Variants in SREBF1 observed in about 807,000 individuals in gnomAD.
SREBF1 encodes the protein sterol regulatory element binding transcription factor 1, also known as sterol regulatory element-binding protein 1.
A neutral mutation model predicts 100.1 loss-of-function variants in SREBF1; 45 were observed. That is an observed-to-expected ratio of 0.45 (90% CI 0.35 to 0.58). The LOEUF is 0.58. SREBF1 is among the 20% of genes least tolerant of loss of function. SREBF1 has a pLI of 0.00. For missense variants in SREBF1, 1,324 were observed against 1,539.4 expected, an observed-to-expected ratio of 0.86 and a Z score of 2.34; for synonymous variants, 657 against 681.8, an observed-to-expected ratio of 0.96 and a Z score of 0.57.
rs2034348580 is a variant in SREBF1 at position 17,824,378 on chromosome 17, G to C, written c.92-3857C>G. ...TGCCAGCACCGATGTCCCTCTGCCA[G>C]ATGGGTGAAGTCTGCCCCTCCCCCT... On this transcript the variant is annotated intron_variant, in intron 1 of 18. Coordinates refer to ENST00000261646, the MANE Select transcript of SREBF1 (RefSeq NM_004176.5). This position sits in a 1 kb window ranked among gnomAD's most constrained non-coding sequence, Gnocchi z 4.2. Among the ~76,000 whole-genome samples, 2 of 152,176 alleles carry C rather than the reference G, an allele frequency of 1.3e-5. No individual in the cohort carries two copies. Among genetic ancestry groups the C allele is most frequent in the South Asian group, 2.1e-4 (1 of 4,824 alleles).
At chr17:17,834,887 G>A (rs1039213168) in intron 1 of SREBF1, among the ~76,000 whole-genome samples, 17 of 152,160 alleles carry the variant, frequency 1.1e-4, no homozygotes, top group Non-Finnish European at 2.1e-4. Flanking sequence ...GGTGGCTGGC[G>A]CCTGTAGTCC....
chr17:17,829,191 T>TAAAAAAAAAAAAAAA (rs1253225038), intron 1 of SREBF1, among the ~76,000 whole-genome samples: 4 of 44,942 alleles, frequency 8.9e-5, no homozygotes, highest in African/African-American at 4.8e-4. Flanking sequence ...GACTCCATCT[T>TAAAAAAAAAAAAAAA]AAAAAAAAAA....
In SREBF1 at chr17:17,816,246, T is replaced by C. The variant is rs1567963103; in HGVS notation, c.2175A>G (p.Arg725=). Residue 725 remains arginine, a synonymous_variant, in exon 11 of 19, where the codon AGA becomes AGG. Coordinates refer to ENST00000261646, the MANE Select transcript of SREBF1 (RefSeq NM_004176.5). ...LAEIYVAAAL[R]VKTSLPRALH... ...AGGCCCGTGGGAGACTGGTCTTCAC[T>C]CTCAATGCAGCCGCCACATAGATCT... The C allele has an allele frequency of 9.1e-7, 1 of 1,101,642 alleles. No homozygotes were observed. The highest frequency in any genetic ancestry group is 4.2e-5 in the African/African-American group (1 of 24,040). 68.2% of individuals were successfully genotyped at this position (1,101,642 alleles called of 1,614,324 possible). A position where few individuals can be genotyped will look rare whatever the true frequency, so the allele number is the denominator to read the frequency against.
rs1205452416 is a variant in SREBF1 at position 17,824,704 on chromosome 17, C to A, written c.92-4183G>T. On this transcript the variant is annotated intron_variant, in intron 1 of 18. Coordinates refer to ENST00000261646, the MANE Select transcript of SREBF1 (RefSeq NM_004176.5). This position sits in a 1 kb window ranked among gnomAD's most constrained non-coding sequence, Gnocchi z 4.2. Reference sequence around the variant, plus strand: ...CTGCAGGCCAGCGCCTCTGCCTGGTCCACACCCCAGTTGGCTGCAACCTGA... The same window carrying A: ...CTGCAGGCCAGCGCCTCTGCCTGGTACACACCCCAGTTGGCTGCAACCTGA... Among the ~76,000 whole-genome samples, 3 of 152,228 alleles carry A rather than the reference C, an allele frequency of 2.0e-5. No individual in the cohort carries two copies. The highest frequency in any genetic ancestry group is 4.4e-5 in the Non-Finnish European group (3 of 68,040).
intron 1 of SREBF1, among the ~76,000 whole-genome samples, chr17:17,822,667 A>T (rs547779696): frequency 6.6e-6 from 1 of 152,360 alleles, no homozygotes; most frequent in South Asian, 2.1e-4. Flanking sequence ...CTGAGCTCCC[A>T]GCCCTGCCCA....
At chr17:17,823,045 T>C (rs2034211425) in intron 1 of SREBF1, among the ~76,000 whole-genome samples, 1 of 152,190 alleles carries the variant, frequency 6.6e-6, no homozygotes, top group South Asian at 2.1e-4. Flanking sequence ...GTGAGCCTCT[T>C]CGATAGATGG....
chr17:17,829,191 T>TAAAAAAAAAAAAAAAA (rs1253225038), intron 1 of SREBF1, among the ~76,000 whole-genome samples: 6 of 44,934 alleles, frequency 1.3e-4, no homozygotes, highest in African/African-American at 7.3e-4. Context: ...GACTCCATCT[T>TAAAAAAAAAAAAAAAA]AAAAAAAAAA....
Position 17,812,685 on chromosome 17 carries a change from C to A in SREBF1, c.3381G>T (p.Leu1127=), listed in dbSNP as rs1211624251. 11 of 1,607,046 alleles carry A rather than the reference C, an allele frequency of 6.8e-6. No homozygotes were observed. Among genetic ancestry groups the A allele is most frequent in the Non-Finnish European group, 8.5e-6 (10 of 1,177,354 alleles). ...TGAGCATCTGCTGACAGTCGTGCAG[C>A]AGCCGGCGATCGCCAAGCTTCTCGA... ...RTLEKLGDRR[L]LHDCQQMLMR... The change falls in exon 19 of 19, where the codon CTG becomes CTT. Residue 1127 remains leucine, a synonymous_variant. Coordinates refer to ENST00000261646, the MANE Select transcript of SREBF1 (RefSeq NM_004176.5).
rs575226847 is a variant in SREBF1 at position 17,813,930 on chromosome 17, G to A, written c.2902-161C>T. 95 of 791,764 alleles carry A rather than the reference G, an allele frequency of 1.2e-4. No homozygotes were observed. The South Asian group carries it at 1.6e-3, about 13-fold the overall frequency. 49.0% of individuals were successfully genotyped at this position (791,764 alleles called of 1,614,324 possible). Reference sequence around the variant, plus strand: ...ACAGCAATGCACCGCGGGGCCGCCCGCCTCTCTCGGCCCCCACACCCGCCA... The same window carrying A: ...ACAGCAATGCACCGCGGGGCCGCCCACCTCTCTCGGCCCCCACACCCGCCA... On this transcript the variant is annotated intron_variant, in intron 16 of 18. Coordinates refer to ENST00000261646, the MANE Select transcript of SREBF1 (RefSeq NM_004176.5).
intron 9 of SREBF1, 99 bp from the exon 10 acceptor site, chr17:17,816,817 G>A (rs1056363390): frequency 1.1e-5 from 18 of 1,576,452 alleles, no homozygotes; most frequent in African/African-American, 2.7e-5. Flanking sequence ...GGGTGGTGGG[G>A]GTCTGCGGAT....
chr17:17,836,030 AC>A (rs1308646925), intron 1 of SREBF1, among the ~76,000 whole-genome samples: 2 of 152,214 alleles, frequency 1.3e-5, no homozygotes, highest in Non-Finnish European at 2.9e-5. Context: ...CAAAGTAGCC[AC>A]ATCCCTGCCC....
At chr17:17,814,507 A>C (rs1241914144) in intron 15 of SREBF1, 97 bp from the exon 16 acceptor site, 2 of 1,536,268 alleles carry the variant, frequency 1.3e-6, no homozygotes, top group Non-Finnish European at 1.7e-6. Context: ...TGAGGAAAAA[A>C]GGTGGTGACT....
chr17:17,832,803 C>T (rs1034927551), intron 1 of SREBF1, among the ~76,000 whole-genome samples: 1 of 152,010 alleles, frequency 6.6e-6, no homozygotes, highest in Non-Finnish European at 1.5e-5. Context: ...ACCTATAGTC[C>T]CAAGCTACTC....
Position 17,813,587 on chromosome 17 carries a change from G to T in SREBF1, c.3084C>A (p.Phe1028Leu). 6.3e-7 allele frequency: 1 copy of T among 1,594,452 alleles called. No individual in the cohort carries two copies. Residue 1028 changes from phenylalanine (F) to leucine (L), a missense_variant, in exon 17 of 19, where the codon TTC becomes TTA. Transcript: ENST00000261646. ...LSSLRRLAQSFRPAMRRVFLH... is the reference protein window; with the variant it reads ...LSSLRRLAQSLRPAMRRVFLH... ...CACTCACCCTCCGCATGGCGGGCCG[G>T]AAGCTCTGTGCCAGCCGCCTCAGGC...
chr17:17,836,218 GACC>G (rs1215572762), intron 1 of SREBF1, among the ~76,000 whole-genome samples: 1 of 152,262 alleles, frequency 6.6e-6, no homozygotes, highest in Non-Finnish European at 1.5e-5. Context: ...GCCCGTCGCA[GACC>G]GGGAGAACCC....
Position 17,813,467 on chromosome 17 carries a change from C to A in SREBF1, c.3115G>T (p.Glu1039Ter), listed in dbSNP as rs1255322013. The A allele has an allele frequency of 6.2e-7, 1 of 1,601,072 alleles. No homozygotes were observed. The highest frequency in any genetic ancestry group is 8.5e-7 in the Non-Finnish European group (1 of 1,174,204). The change falls in exon 18 of 19, where the codon GAG (glutamate) becomes TAG (stop). Residue 1039 changes from glutamate (E) to a stop codon, truncating the protein, a stop_gained. Transcript: ENST00000261646. LOFTEE classifies it high-confidence loss of function. The part of the protein sequence containing the change: ...RPAMRRVFLH[E>*]ATARLMAGAS... Reference sequence around the variant, plus strand: ...CCCGCCATCAGCCGGGCCGTGGCCTCATGTAGGAACACCTGGGGGCCAGGA... The same window carrying A: ...CCCGCCATCAGCCGGGCCGTGGCCTAATGTAGGAACACCTGGGGGCCAGGA...
At position 17,814,260 on chromosome 17, in the gene SREBF1, G is replaced by A. The variant is rs34882915; in HGVS notation, c.2886C>T (p.Ser962=). The A allele has an allele frequency of 4.7e-3, 7,574 of 1,605,384 alleles. 285 individuals are homozygous for A. The African/African-American group carries it at 0.085, about 18-fold the overall frequency. The change falls in exon 16 of 19, where the codon AGC becomes AGT. Residue 962 remains serine, a synonymous_variant. Coordinates refer to ENST00000261646, the MANE Select transcript of SREBF1 (RefSeq NM_004176.5). ...CACCCCTCACCTTGTCAATGGAGCTGCTGGCTGGTGTGGTAGCCAGGCTGT... is the reference window on the plus strand; with the variant it reads ...CACCCCTCACCTTGTCAATGGAGCTACTGGCTGGTGTGGTAGCCAGGCTGT... The part of the protein sequence containing the change: ...LQDSLATTPA[S]SSIDKAVQLF...
chr17:17,829,178 C>T (rs1221056817), intron 1 of SREBF1, among the ~76,000 whole-genome samples: 9 of 111,862 alleles, frequency 8.0e-5, no homozygotes, highest in East Asian at 5.1e-4. Flanking sequence ...GGTGACAGAA[C>T]GAGACTCCAT....
In SREBF1 at chr17:17,816,197, A is replaced by ACCCCCCCCC; in HGVS notation, c.2214+9_2214+10insGGGGGGGGG. 1 of 1,137,404 alleles carries ACCCCCCCCC rather than the reference A, an allele frequency of 8.8e-7. No individual in the cohort carries two copies. Among genetic ancestry groups the ACCCCCCCCC allele is most frequent in the Admixed American group, 2.7e-5 (1 of 37,114 alleles). 70.5% of individuals were successfully genotyped at this position (1,137,404 alleles called of 1,614,324 possible). ...GCAGGGATAAGCCCCCAGCCCCCCA[A>ACCCCCCCCC]CCCACTCACTGTCAGAAAATGCAAG... On this transcript the variant is annotated intron_variant, in intron 11 of 18. Transcript: ENST00000261646.
Sources: allele counts gnomAD v4.1 joint callset (sites outside exome capture counted in the v4.1 genomes callset), GRCh38; gene constraint gnomAD v4.1.1; non-coding constraint Gnocchi (gnomAD v3.1); transcripts MANE v1.5; gene names NCBI Gene and HGNC (gene_info 2026-07-23, HGNC 2026-07-21).